Variants in CFAP47 observed in about 807,000 individuals in gnomAD.
The protein encoded by CFAP47 is cilia- and flagella-associated protein 47.
Under a neutral mutation model 148.1 loss-of-function variants are expected in CFAP47, and 29 were observed. The ratio of observed to expected loss-of-function variants is 0.20; its 90% confidence interval spans 0.15 to 0.27. The LOEUF (loss-of-function observed/expected upper bound fraction) is 0.27, where lower values mean the gene tolerates loss of function less well. Among genes scored for constraint, CFAP47 ranks in the 10% least tolerant of loss-of-function variants. The probability of loss-of-function intolerance (pLI) is 1.00; values close to 1 mark genes in which losing one functional copy is unlikely to be tolerated. For synonymous variants in CFAP47, 664 were observed against 577.3 expected, an observed-to-expected ratio of 1.15 and a Z score of -2.15; for missense variants, 1,872 against 1,697.5, an observed-to-expected ratio of 1.10 and a Z score of -1.81.
chrX:36,331,360 C>T (rs1346770511), intron 57 of CFAP47, among the ~76,000 whole-genome samples: 1 of 110,861 alleles, frequency 9.0e-6, no homozygotes, highest in Non-Finnish European at 1.9e-5. Flanking sequence ...GGACTCACTC[C>T]TGCCTCTTCT....
rs752884154 is a variant in CFAP47 at position 36,179,081 on chromosome X, T to A, written c.6027-264T>A. On this transcript the variant is annotated intron_variant, in intron 39 of 63. Coordinates refer to ENST00000378653, the MANE Select transcript of CFAP47 (RefSeq NM_001304548.2). ...TTTGACCAGTCACTTATCTTCTAAA[T>A]GTCCTTGCTATGAGAATTCAGTGCT... Among the ~76,000 whole-genome samples, 7 of 112,590 alleles carry A rather than the reference T, an allele frequency of 6.2e-5. No individual in the cohort carries two copies. The South Asian group carries it at 2.5e-3, about 41-fold the overall frequency.
intron 37 of CFAP47, among the ~76,000 whole-genome samples, chrX:36,152,052 C>T (rs1408168954): frequency 1.8e-5 from 2 of 110,774 alleles, no homozygotes; most frequent in Non-Finnish European, 3.8e-5. Context: ...CTCTCATGAT[C>T]TAATCACTCC....
At chrX:36,279,961 C>G (rs1941060844) in intron 49 of CFAP47, among the ~76,000 whole-genome samples, 1 of 111,155 alleles carries the variant, frequency 9.0e-6, no homozygotes, top group African/African-American at 3.3e-5. Flanking sequence ...TCCTCAGCCT[C>G]CCAAAGTGCT....
At chrX:36,000,135 TG>T (rs1048611661) in intron 19 of CFAP47, 147 bp from the exon 20 acceptor site, 26 of 236,510 alleles carry the variant, frequency 1.1e-4, no homozygotes, top group Middle Eastern at 1.2e-3. Flanking sequence ...ATAGAGGAGG[TG>T]GGGGAGAGGA....
chrX:36,067,989 A>T (rs1329416058), intron 27 of CFAP47, among the ~76,000 whole-genome samples: 3 of 111,675 alleles, frequency 2.7e-5, no homozygotes, highest in African/African-American at 9.8e-5. Context: ...TCATTCTTTA[A>T]TTCCCAGGTA....
intron 52 of CFAP47, among the ~76,000 whole-genome samples, chrX:36,299,692 T>C (rs1406341989): frequency 9.0e-6 from 1 of 111,684 alleles, no homozygotes; most frequent in Non-Finnish European, 1.9e-5. Flanking sequence ...CTGGTAACAA[T>C]AATCATTATA....
intron 18 of CFAP47, among the ~76,000 whole-genome samples, chrX:35,996,251 C>T (rs1371859723): frequency 9.0e-6 from 1 of 111,301 alleles, no homozygotes; most frequent in East Asian, 2.8e-4. Flanking sequence ...TTGTAATTTT[C>T]TCTGAAGCAT....
intron 48 of CFAP47, among the ~76,000 whole-genome samples, chrX:36,240,726 A>G (rs1602064399): frequency 8.9e-6 from 1 of 111,873 alleles, no homozygotes; most frequent in Middle Eastern, 4.7e-3. Context: ...ATAAAGGCCA[A>G]AAAAGCCCCA....
chrX:36,364,901 C>CACATAT (rs1491192085), intron 61 of CFAP47, among the ~76,000 whole-genome samples: 6 of 67,357 alleles, frequency 8.9e-5, no homozygotes. Flanking sequence ...ATATTTTGTG[C>CACATAT]ATATATATAT....
At chrX:36,252,878 A>C (rs941732834) in intron 49 of CFAP47, among the ~76,000 whole-genome samples, 3 of 112,073 alleles carry the variant, frequency 2.7e-5, no homozygotes, top group Admixed American at 9.5e-5. Context: ...TCTACTACTT[A>C]TGAGAAGAAA....
At chrX:36,081,223 G>A (rs1208762249) in intron 29 of CFAP47, among the ~76,000 whole-genome samples, 1 of 111,532 alleles carries the variant, frequency 9.0e-6, no homozygotes, top group Admixed American at 9.6e-5. Flanking sequence ...GAACACTTCG[G>A]TGCACAAGAA....
chrX:36,171,474 A>G (rs1266739873), intron 39 of CFAP47, among the ~76,000 whole-genome samples: 1 of 105,700 alleles, frequency 9.5e-6, no homozygotes, highest in Admixed American at 1.0e-4. Context: ...TAATTTTTGT[A>G]TAAGGTGTAA....
At chrX:36,009,901 G>A (rs1937020104) in intron 21 of CFAP47, among the ~76,000 whole-genome samples, 1 of 111,283 alleles carries the variant, frequency 9.0e-6, no homozygotes, top group South Asian at 3.7e-4. Context: ...AATGCTTGTT[G>A]TCATGACCTT....
rs781439499 is a variant in CFAP47, at chrX:36,108,662, C to T, written c.5320+3971C>T. On this transcript the variant is annotated intron_variant, in intron 33 of 63. Transcript: ENST00000378653. The stretch of plus-strand genomic sequence containing the variant: ...AAAACACAAATTTTAGCATCAGACT[C>T]CTGCCTAAAATCCTTTAATGGTATT... 2.7e-5 allele frequency among the ~76,000 whole-genome samples: 3 copies of T among 111,769 alleles called. No homozygotes were observed. The South Asian group carries it at 1.1e-3, about 42-fold the overall frequency.
intron 21 of CFAP47, among the ~76,000 whole-genome samples, chrX:36,008,702 G>C (rs1937007003): frequency 9.2e-6 from 1 of 108,417 alleles, no homozygotes; most frequent in African/African-American, 3.4e-5. Flanking sequence ...CCCAGGAGGA[G>C]GAGGCTGCAG....
rs1263427986 is a variant in CFAP47, at chrX:35,924,142, CATGT to C, written c.250-1871_250-1868del. On this transcript the variant is annotated intron_variant, in intron 1 of 63. Coordinates refer to ENST00000378653, the MANE Select transcript of CFAP47 (RefSeq NM_001304548.2). The stretch of plus-strand genomic sequence containing the variant: ...ATGCGTACATATATGTATATGTGTA[CATGT>C]ATGCGTACATATATGTATATATGTA... Among the ~76,000 whole-genome samples the C allele has an allele frequency of 2.0e-3, 191 of 95,690 alleles. 2 individuals are homozygous for C. Among genetic ancestry groups the C allele is most frequent in the African/African-American group, 7.8e-3 (181 of 23,125 alleles). The allele number at this position is 95,690 out of a possible 115,157, so 83.1% of individuals were successfully genotyped here.
At chrX:36,123,217 A>G (rs948598472) in intron 33 of CFAP47, among the ~76,000 whole-genome samples, 16 of 112,556 alleles carry the variant, frequency 1.4e-4, no homozygotes, top group African/African-American at 5.2e-4. Flanking sequence ...ACACCTCTGT[A>G]GTTACCAGTC....
At chrX:35,990,784 G>C (rs1176916511) in intron 16 of CFAP47, among the ~76,000 whole-genome samples, 4 of 110,979 alleles carry the variant, frequency 3.6e-5, no homozygotes, top group African/African-American at 6.5e-5. Context: ...TACCTAGTTT[G>C]GGAGTATATT....
chrX:35,963,107 A>G (rs959133352), intron 8 of CFAP47, among the ~76,000 whole-genome samples: 13 of 110,866 alleles, frequency 1.2e-4, no homozygotes, highest in East Asian at 1.1e-3. Context: ...GGCTACACTT[A>G]TATGTGGAAT....
Sources: allele counts gnomAD v4.1 joint callset (sites outside exome capture counted in the v4.1 genomes callset), GRCh38; gene constraint gnomAD v4.1.1; transcripts MANE v1.5; gene names NCBI Gene and HGNC (gene_info 2026-07-23, HGNC 2026-07-21).